The following ARB2A variants were observed in gnomAD, a reference collection of about 807,000 sequenced individuals.
The protein encoded by ARB2A is ARB2 cotranscriptional regulator A, also known as cotranscriptional regulator ARB2A.
At chr5:94,040,034 T>C in the ARB2A span, among the ~76,000 whole-genome samples, 1 of 152,008 alleles carries the variant, frequency 6.6e-6, no homozygotes, top group African/African-American at 2.4e-5. Flanking sequence ...GAGGCACCTC[T>C]TAATAAAAGG....
the ARB2A span, among the ~76,000 whole-genome samples, chr5:94,088,298 C>T: frequency 3.3e-5 from 5 of 152,086 alleles, no homozygotes; most frequent in South Asian, 4.2e-4. Context: ...CTTTTACATC[C>T]GCTATTACAA....
the ARB2A span, among the ~76,000 whole-genome samples, chr5:93,815,234 G>A: frequency 6.6e-6 from 1 of 152,136 alleles, no homozygotes; most frequent in Admixed American, 6.5e-5. Context: ...TTAAAAACCT[G>A]TAACAGAAAA....
chr5:93,994,075 T>C, the ARB2A span, among the ~76,000 whole-genome samples: 4 of 151,872 alleles, frequency 2.6e-5, no homozygotes, highest in Admixed American at 2.6e-4. Flanking sequence ...GAATGAAAAA[T>C]TGGTGTGGCC....
the ARB2A span, among the ~76,000 whole-genome samples, chr5:93,942,442 A>C: frequency 6.6e-6 from 1 of 152,076 alleles, no homozygotes; most frequent in Non-Finnish European, 1.5e-5. Context: ...GAAGTCTTAC[A>C]TTTCAAATAA....
the ARB2A span, among the ~76,000 whole-genome samples, chr5:93,968,848 A>G: frequency 6.6e-6 from 1 of 152,098 alleles, no homozygotes; most frequent in Non-Finnish European, 1.5e-5. Flanking sequence ...GATGAGAATT[A>G]CATCGGACTT....
the ARB2A span, among the ~76,000 whole-genome samples, chr5:94,109,401 G>T: frequency 1.3e-5 from 2 of 152,132 alleles, no homozygotes; most frequent in African/African-American, 4.8e-5. Context: ...AGTTACCAAT[G>T]ACTACTGTGC....
At chr5:93,897,747 C>A in the ARB2A span, among the ~76,000 whole-genome samples, 1 of 151,702 alleles carries the variant, frequency 6.6e-6, no homozygotes, top group East Asian at 1.9e-4. Flanking sequence ...GGGGGAGAGA[C>A]TACTTGCTTT....
At chr5:93,903,727 GT>G in the ARB2A span, among the ~76,000 whole-genome samples, 48 of 151,722 alleles carry the variant, frequency 3.2e-4, 1 homozygote, top group African/African-American at 1.1e-3. Context: ...GTGTGTGTGT[GT>G]GTGTGTGTGT....
chr5:93,664,093 T>G, the ARB2A span, among the ~76,000 whole-genome samples: 1 of 151,518 alleles, frequency 6.6e-6, no homozygotes, highest in Middle Eastern at 3.2e-3. Context: ...TTTTTAGCGG[T>G]AGGGTCTTGC....
At chr5:94,063,656 G>C in the ARB2A span, among the ~76,000 whole-genome samples, 1 of 151,932 alleles carries the variant, frequency 6.6e-6, no homozygotes, top group Non-Finnish European at 1.5e-5. Flanking sequence ...AGAGCCCAAG[G>C]AATAGCCTAC....
chr5:93,665,486 A>T, the ARB2A span, among the ~76,000 whole-genome samples: 1 of 152,212 alleles, frequency 6.6e-6, no homozygotes, highest in Non-Finnish European at 1.5e-5. Flanking sequence ...GATAAAACTA[A>T]AGCATAATGT....
At chr5:93,954,437 G>A in the ARB2A span, among the ~76,000 whole-genome samples, 2 of 151,896 alleles carry the variant, frequency 1.3e-5, no homozygotes, top group African/African-American at 4.8e-5. Flanking sequence ...TCTGGAATAG[G>A]AGCCTCAGGA....
chr5:94,075,779 A>C, the ARB2A span, among the ~76,000 whole-genome samples: 1 of 152,172 alleles, frequency 6.6e-6, no homozygotes, highest in Non-Finnish European at 1.5e-5. Context: ...CTTTTTAAAA[A>C]ACTAATACTG....
At chr5:93,674,829 G>A in the ARB2A span, among the ~76,000 whole-genome samples, 1 of 152,106 alleles carries the variant, frequency 6.6e-6, no homozygotes, top group African/African-American at 2.4e-5. Context: ...TCTCAATAAA[G>A]CATTATAAAG....
chr5:93,991,261 A>C, the ARB2A span, among the ~76,000 whole-genome samples: 1 of 152,126 alleles, frequency 6.6e-6, no homozygotes, highest in East Asian at 1.9e-4. Context: ...AGAGAGCTAA[A>C]CTATCCCTAG....
the ARB2A span, among the ~76,000 whole-genome samples, chr5:93,787,437 T>C: frequency 6.6e-6 from 1 of 152,240 alleles, no homozygotes; most frequent in Admixed American, 6.5e-5. Context: ...TGTATAATAT[T>C]TATTTTAATC....
chr5:93,814,385 T>C, the ARB2A span, among the ~76,000 whole-genome samples: 2 of 152,174 alleles, frequency 1.3e-5, no homozygotes, highest in Non-Finnish European at 2.9e-5. Context: ...ATTAGGATAA[T>C]GAATAGGAGA....
chr5:93,799,323 T>C, the ARB2A span, among the ~76,000 whole-genome samples: 1 of 152,056 alleles, frequency 6.6e-6, no homozygotes, highest in Non-Finnish European at 1.5e-5. Flanking sequence ...CTTTAGATAG[T>C]GTTGCTGTTG....
At chr5:93,828,749 T>G in the ARB2A span, among the ~76,000 whole-genome samples, 9 of 152,174 alleles carry the variant, frequency 5.9e-5, no homozygotes, top group African/African-American at 1.9e-4. Flanking sequence ...TTTCTCACTG[T>G]TCCCAGAATT....
Sources: allele counts gnomAD v4.1 joint callset (sites outside exome capture counted in the v4.1 genomes callset), GRCh38; gene constraint gnomAD v4.1.1; transcripts MANE v1.5; gene names NCBI Gene and HGNC (gene_info 2026-07-23, HGNC 2026-07-21).